Variants in INTS6L observed in about 807,000 individuals in gnomAD.
INTS6L encodes integrator complex subunit 6-like.
INTS6L carries 18 observed loss-of-function variants against 64.7 expected under a neutral mutation model. The observed-to-expected ratio is 0.28, with a 90% CI of 0.19 to 0.41. The LOEUF is 0.41. Ranked by LOEUF, INTS6L falls within the 10% of genes least tolerant of loss-of-function variation. The pLI is 1.00. For missense variants in INTS6L, 533 were observed against 661.0 expected, an observed-to-expected ratio of 0.81 and a Z score of 2.12; for synonymous variants, 227 against 235.9, an observed-to-expected ratio of 0.96 and a Z score of 0.34.
chrX:135,527,074 G>C (rs1556501688), intron 2 of INTS6L, among the ~76,000 whole-genome samples: 3 of 111,180 alleles, frequency 2.7e-5, no homozygotes. Flanking sequence ...CTAATGACTT[G>C]ATGCATTTTT....
At chrX:135,570,221 CTCT>C in intron 10 of INTS6L, 1 of 287,954 alleles carries the variant, frequency 3.5e-6, no homozygotes, top group Non-Finnish European at 6.1e-6. Context: ...CTGTTACTTG[CTCT>C]TCTTATCCCA....
chrX:135,556,114 T>G, intron 8 of INTS6L, 54 bp from the exon 9 acceptor site: 1 of 1,095,516 alleles, frequency 9.1e-7, no homozygotes. Context: ...ATGGGTTTGG[T>G]TTGACATAAA....
intron 2 of INTS6L, among the ~76,000 whole-genome samples, chrX:135,541,930 T>C (rs1376973520): frequency 8.9e-6 from 1 of 112,192 alleles, no homozygotes; most frequent in East Asian, 2.8e-4. Flanking sequence ...GGTAGAAATT[T>C]ATCACATTAA....
intron 6 of INTS6L, among the ~76,000 whole-genome samples, chrX:135,547,963 C>T (rs2086398912): frequency 9.0e-6 from 1 of 110,657 alleles, no homozygotes; most frequent in Middle Eastern, 4.6e-3. Flanking sequence ...ACCATGGCAA[C>T]GCATTGCAAG....
chrX:135,550,665 A>AT (rs1265052306), intron 7 of INTS6L, among the ~76,000 whole-genome samples: 13 of 111,167 alleles, frequency 1.2e-4, no homozygotes, highest in African/African-American at 3.9e-4. Context: ...AGTGAATTGC[A>AT]TTTTCTCCTG....
intron 9 of INTS6L, among the ~76,000 whole-genome samples, chrX:135,563,359 T>C (rs2086836214): frequency 9.0e-6 from 1 of 110,720 alleles, no homozygotes; most frequent in Non-Finnish European, 1.9e-5. Flanking sequence ...CTGTCAAACA[T>C]AATTTAGAAA....
intron 2 of INTS6L, among the ~76,000 whole-genome samples, chrX:135,528,439 C>T (rs1019482796): frequency 1.8e-5 from 2 of 111,407 alleles, no homozygotes; most frequent in Admixed American, 9.5e-5. Flanking sequence ...GGGGTGGGGA[C>T]ACTGTAAAGG....
intron 2 of INTS6L, among the ~76,000 whole-genome samples, chrX:135,528,749 A>G (rs2085810157): frequency 9.0e-6 from 1 of 110,939 alleles, no homozygotes; most frequent in African/African-American, 3.3e-5. Flanking sequence ...AATTTGCACT[A>G]TATTTCTATT....
rs560671180 is a variant in INTS6L at position 135,537,647 on chromosome X, T to C, written c.190-7776T>C. ...TAATTCACTGTTCCCCACACCTAAT[T>C]GTTCTGTACTTAGATGTCAGGGAAA... On this transcript the variant is annotated intron_variant, in intron 2 of 17. Coordinates refer to ENST00000639893, the MANE Select transcript of INTS6L (RefSeq NM_001351601.3). Among the ~76,000 whole-genome samples the C allele has an allele frequency of 5.4e-5, 6 of 111,746 alleles. No individual in the cohort carries two copies. The South Asian group carries it at 1.1e-3, about 21-fold the overall frequency.
At chrX:135,574,952 T>C (rs1245000598) in intron 13 of INTS6L, 132 bp from the exon 14 acceptor site, 30 of 614,798 alleles carry the variant, frequency 4.9e-5, no homozygotes, top group Non-Finnish European at 4.9e-5. Flanking sequence ...GATCCTAGAA[T>C]GCTAGATTCG....
intron 2 of INTS6L, among the ~76,000 whole-genome samples, chrX:135,542,497 C>CA (rs1267575126): frequency 6.6e-5 from 6 of 91,127 alleles, no homozygotes; most frequent in Admixed American, 1.3e-4. Flanking sequence ...GACTCCATCT[C>CA]AAAAAAAAGG....
At chrX:135,524,389 T>C (rs1347310278) in intron 2 of INTS6L, among the ~76,000 whole-genome samples, 1 of 111,604 alleles carries the variant, frequency 9.0e-6, no homozygotes, top group Non-Finnish European at 1.9e-5. Flanking sequence ...CTGAGGTCTT[T>C]TCAGCAAAGT....
At chrX:135,547,409 C>A in intron 6 of INTS6L, 144 bp downstream of exon 6, 1 of 652,841 alleles carries the variant, frequency 1.5e-6, no homozygotes, top group Non-Finnish European at 2.3e-6. Context: ...CACACATTCA[C>A]TGCCTATGTA....
intron 2 of INTS6L, among the ~76,000 whole-genome samples, chrX:135,530,253 G>A (rs2085869344): frequency 1.8e-5 from 2 of 111,977 alleles, no homozygotes; most frequent in African/African-American, 3.3e-5. Context: ...TGAGTATTGT[G>A]GTGCATATGT....
intron 2 of INTS6L, among the ~76,000 whole-genome samples, chrX:135,543,011 C>T: frequency 9.0e-6 from 1 of 111,408 alleles, no homozygotes; most frequent in Non-Finnish European, 1.9e-5. Flanking sequence ...CTCTGAAATA[C>T]TTCCTTAATC....
intron 16 of INTS6L, 91 bp from the exon 17 acceptor site, chrX:135,580,959 A>T: frequency 3.1e-6 from 2 of 638,310 alleles, no homozygotes; most frequent in Non-Finnish European, 4.5e-6. Context: ...CTTTCCACTC[A>T]CGAAGAACAA....
At chrX:135,576,815 G>A (rs2087242194) in intron 14 of INTS6L, among the ~76,000 whole-genome samples, 1 of 112,655 alleles carries the variant, frequency 8.9e-6, no homozygotes, top group South Asian at 3.6e-4. Context: ...AAGAGTTGAT[G>A]CAAAATAGTT....
At chrX:135,529,831 T>C (rs1443092765) in intron 2 of INTS6L, among the ~76,000 whole-genome samples, 1 of 112,369 alleles carries the variant, frequency 8.9e-6, no homozygotes, top group Non-Finnish European at 1.9e-5. Flanking sequence ...TACAGGGCAA[T>C]GTGCTAATGA....
At chrX:135,577,749 G>A (rs1223826264) in intron 15 of INTS6L, among the ~76,000 whole-genome samples, 2 of 112,331 alleles carry the variant, frequency 1.8e-5, no homozygotes, top group Non-Finnish European at 3.8e-5. Flanking sequence ...CATGTCTGCT[G>A]CAACCTTTTG....
Sources: allele counts gnomAD v4.1 joint callset (sites outside exome capture counted in the v4.1 genomes callset), GRCh38; gene constraint gnomAD v4.1.1; transcripts MANE v1.5; gene names NCBI Gene and HGNC (gene_info 2026-07-23, HGNC 2026-07-21).